The following DNLZ variants were observed in gnomAD, a reference collection of about 807,000 sequenced individuals.
The protein encoded by DNLZ is DNL-type zinc finger protein.
In DNLZ, 15 loss-of-function variants were observed where a neutral mutation model predicts 7.8. That is an observed-to-expected ratio of 1.91 (90% CI 1.28 to 2.95). The LOEUF is 2.95. DNLZ is among the 30% of genes most tolerant of loss of function. DNLZ has a pLI of 0.00. For missense variants in DNLZ, 255 were observed against 167.3 expected (o/e 1.52, Z -2.89); for synonymous variants, 123 against 77.8 (o/e 1.58, Z -3.05).
At chr9:136,363,191 G>A in intron 1 of DNLZ, 63 bp from the exon 2 acceptor site, 8 of 1,590,488 alleles carry the variant, frequency 5.0e-6, no homozygotes, top group Non-Finnish European at 6.9e-6. Context: ...GGGAAGACCC[G>A]CCCCTCTAGG....
chr9:136,362,153 T>C lies in DNLZ; in HGVS notation c.396A>G (p.Arg132=). 1 of 1,500,386 alleles carries C rather than the reference T, an allele frequency of 6.7e-7. No individual in the cohort carries two copies. The highest frequency in any genetic ancestry group is 8.9e-7 in the Non-Finnish European group (1 of 1,129,170). 92.9% of individuals were successfully genotyped at this position (1,500,386 alleles called of 1,614,324 possible). A position where few individuals can be genotyped will look rare whatever the true frequency, so the allele number is the denominator to read the frequency against. The change falls in exon 3 of 3, where the codon AGA becomes AGG. Residue 132 remains arginine (R), a synonymous_variant. Coordinates refer to ENST00000371738, the MANE Select transcript of DNLZ (RefSeq NM_001080849.3). ...KRNIEEILTA[R]GEQVHRVAGE... ...CCGCCACACGGTGCACCTGCTCGCC[T>C]CTGGCCGTCAGGATCTCTTCGATAT...
intron 2 of DNLZ, 91 bp from the exon 3 acceptor site, chr9:136,362,271 C>T: frequency 8.5e-7 from 1 of 1,177,156 alleles, no homozygotes; most frequent in Non-Finnish European, 1.1e-6. Context: ...CAGGCCAGAG[C>T]TGCAAGCACC....
At chr9:136,362,384 A>T (rs1832996443) in intron 2 of DNLZ, among the ~76,000 whole-genome samples, 1 of 152,150 alleles carries the variant, frequency 6.6e-6, no homozygotes, top group East Asian at 1.9e-4. Flanking sequence ...CGCCTCAGGA[A>T]CCCAGTCTCC....
Position 136,362,140 on chromosome 9 carries a change from G to T in DNLZ, c.409C>A (p.His137Asn). 6.6e-7 allele frequency: 1 copy of T among 1,504,422 alleles called. No homozygotes were observed. The allele number at this position is 1,504,422 out of a possible 1,614,324, so 93.2% of individuals were successfully genotyped here. A position where few individuals can be genotyped will look rare whatever the true frequency, so the allele number is the denominator to read the frequency against. Residue 137 changes from histidine (H) to asparagine (N), a missense_variant, in exon 3 of 3, where the codon CAC (histidine) becomes AAC (asparagine). Coordinates refer to ENST00000371738, the MANE Select transcript of DNLZ (RefSeq NM_001080849.3). ...AGGGCCCCCTCGCCCGCCACACGGT[G>T]CACCTGCTCGCCTCTGGCCGTCAGG... ...EILTARGEQVHRVAGEGALEL... is the reference protein window; with the variant it reads ...EILTARGEQVNRVAGEGALEL...
Position 136,363,103 on chromosome 9 carries a change from C to A in DNLZ, c.254G>T (p.Arg85Leu), listed in dbSNP as rs1213559930. 6.2e-7 allele frequency: 1 copy of A among 1,613,482 alleles called. No individual in the cohort carries two copies. The highest frequency in any genetic ancestry group is 1.3e-5 in the African/African-American group (1 of 75,056). ...CKVCGTRSSK[R>L]ISKLAYHQGV... ...TTGGTGATAGGCCAGCTTGGAGATG[C>A]GCTTGGAGGACCTAGTCCCGCAGAC... The change falls in exon 2 of 3, where the codon CGC becomes CTC. Residue 85 changes from arginine (R) to leucine (L), a missense_variant. Coordinates refer to ENST00000371738, the MANE Select transcript of DNLZ (RefSeq NM_001080849.3).
rs1481514075 is a variant in DNLZ, at chr9:136,363,112, G to C, written c.245C>G (p.Ser82Cys). The change falls in exon 2 of 3, where the codon TCC becomes TGC. Residue 82 changes from serine (S) to cysteine (C), a missense_variant. By Grantham distance (112) the Ser-to-Cys change is moderately radical. Transcript: ENST00000371738. ...VYTCKVCGTR[S>C]SKRISKLAYH... ...GGCCAGCTTGGAGATGCGCTTGGAG[G>C]ACCTAGTCCCGCAGACCTGGCTGGG... 2 of 1,613,406 alleles carry C rather than the reference G, an allele frequency of 1.2e-6. No individual in the cohort carries two copies. Among genetic ancestry groups the C allele is most frequent in the Non-Finnish European group, 1.7e-6 (2 of 1,179,990 alleles).
At position 136,362,056 on chromosome 9, in the gene DNLZ, C is replaced by A; in HGVS notation, c.493G>T (p.Glu165Ter). 2 of 1,417,370 alleles carry A rather than the reference C, an allele frequency of 1.4e-6. No individual in the cohort carries two copies. Among genetic ancestry groups the A allele is most frequent in the Non-Finnish European group, 9.3e-7 (1 of 1,077,310 alleles). The allele number at this position is 1,417,370 out of a possible 1,614,324, so 87.8% of individuals were successfully genotyped here. ...PTSTAAPEAGEDEGPPSPGKT... is the reference protein window; with the variant it reads ...PTSTAAPEAG ...CCAGGGCTGGGGGGACCCTCATCCT[C>A]ACCCGCTTCCGGAGCTGCAGTGGAT... is the stretch of plus-strand genomic sequence containing the variant. The change falls in exon 3 of 3, where the codon GAG becomes TAG. Residue 165 changes from glutamate (E) to a stop codon, truncating the protein, a stop_gained. Transcript: ENST00000371738. LOFTEE classifies it low-confidence loss of function (END_TRUNC).
At position 136,361,852 on chromosome 9, in the gene DNLZ, C is replaced by G. The variant is rs1018054952; in HGVS notation, c.*160G>C. 1 of 493,416 alleles carries G rather than the reference C, an allele frequency of 2.0e-6. No homozygotes were observed. Among genetic ancestry groups the G allele is most frequent in the Admixed American group, 4.4e-5 (1 of 22,802 alleles). 30.6% of individuals were successfully genotyped at this position (493,416 alleles called of 1,614,324 possible). On this transcript the variant is annotated 3_prime_UTR_variant, in exon 3 of 3. Transcript: ENST00000371738. ...AGCAGCACCAGGGATTCAGAGCAATCGTTCTAACTCCAGAAAAAGAAAGGC... is the reference window on the plus strand; with the variant it reads ...AGCAGCACCAGGGATTCAGAGCAATGGTTCTAACTCCAGAAAAAGAAAGGC...
chr9:136,363,711 G>C lies in DNLZ; in HGVS notation c.4C>G (p.Leu2Val), dbSNP rs1172837894. M[L>V]RTALRGAPRL... ...GGCGCGCCGCGCAGCGCAGTCCGCA[G>C]CATCCCGCTCGCCGGCTCCGTCCGC... Residue 2 changes from leucine to valine, a missense_variant, in exon 1 of 3, where the codon CTG becomes GTG. Leu to Val is a conservative substitution (Grantham distance 32, BLOSUM62 1). Transcript: ENST00000371738. 1 of 469,674 alleles carries C rather than the reference G, an allele frequency of 2.1e-6. No individual in the cohort carries two copies. Among genetic ancestry groups the C allele is most frequent in the Non-Finnish European group, 3.7e-6 (1 of 268,386 alleles). The allele number at this position is 469,674 out of a possible 1,614,324, so 29.1% of individuals were successfully genotyped here.
At position 136,362,826 on chromosome 9, in the gene DNLZ, G is replaced by A. The variant is rs539146012; in HGVS notation, c.368+163C>T. 4.6e-5 allele frequency among the ~76,000 whole-genome samples: 7 copies of A among 152,342 alleles called. No individual in the cohort carries two copies. In the South Asian group the frequency reaches 1.5e-3, roughly 32 times the overall value. On this transcript the variant is annotated intron_variant, in intron 2 of 2. Transcript: ENST00000371738. ...CATACTTAAACTCAAAAGCTATCTG[G>A]GCTTTATAGGAAATTCTCATTTAAC...
Position 136,361,719 on chromosome 9 carries a change from C to T in DNLZ, c.*293G>A. 3.0e-6 allele frequency: 1 copy of T among 328,754 alleles called. No individual in the cohort carries two copies. Among genetic ancestry groups the T allele is most frequent in the East Asian group, 4.6e-5 (1 of 21,568 alleles). The allele number at this position is 328,754 out of a possible 1,614,324, so 20.4% of individuals were successfully genotyped here. The stretch of plus-strand genomic sequence containing the variant: ...GCCAGGAAGGGCTCTGACGCCACAT[C>T]CAGCCCCCTTTCCACGCGACTGTGG... On this transcript the variant is annotated 3_prime_UTR_variant, in exon 3 of 3. Transcript: ENST00000371738.
At position 136,363,673 on chromosome 9, in the gene DNLZ, A is replaced by G. The variant is rs1588717951; in HGVS notation, c.42T>C (p.Ser14=). 5.0e-6 allele frequency: 2 copies of G among 403,536 alleles called. No individual in the cohort carries two copies. The highest frequency in any genetic ancestry group is 8.6e-6 in the Non-Finnish European group (2 of 233,858). 25.0% of individuals were successfully genotyped at this position (403,536 alleles called of 1,614,324 possible). The stretch of plus-strand genomic sequence containing the variant: ...GGCAGGGCGCCCGGGGCTGCACGCG[A>G]CTCAGCAACCTCGGCGCGCCGCGCA... ...TALRGAPRLL[S]RVQPRAPCLR... The change falls in exon 1 of 3, where the codon AGT becomes AGC. Residue 14 remains serine (S), a synonymous_variant. Coordinates refer to ENST00000371738, the MANE Select transcript of DNLZ (RefSeq NM_001080849.3).
rs746758329 is a variant in DNLZ, at chr9:136,363,155, G to A, written c.229-27C>T. The A allele has an allele frequency of 2.1e-5, 34 of 1,609,442 alleles. 1 individual carries two copies. In the South Asian group the frequency reaches 3.5e-4, roughly 17 times the overall value. On this transcript the variant is annotated intron_variant, in intron 1 of 2. Coordinates refer to ENST00000371738, the MANE Select transcript of DNLZ (RefSeq NM_001080849.3). Reference sequence around the variant, plus strand: ...TGGCTGGGACAGGGTAGCTGGTGAGGCTGTGAGGGCCGCCACGCCCCTCCC... The same window carrying A: ...TGGCTGGGACAGGGTAGCTGGTGAGACTGTGAGGGCCGCCACGCCCCTCCC...
At position 136,362,836 on chromosome 9, in the gene DNLZ, G is replaced by A. The variant is rs75629259; in HGVS notation, c.368+153C>T. 1.5e-3 allele frequency among the ~76,000 whole-genome samples: 227 copies of A among 152,368 alleles called. 1 individual carries two copies. The highest frequency in any genetic ancestry group is 4.6e-3 in the African/African-American group (190 of 41,588). ...CTCAAAAGCTATCTGGGCTTTATAG[G>A]AAATTCTCATTTAACTGTGTGTCTT... On this transcript the variant is annotated intron_variant, in intron 2 of 2. Transcript: ENST00000371738.
intron 2 of DNLZ, 141 bp downstream of exon 2, chr9:136,362,848 T>G (rs754996952): frequency 1.4e-6 from 1 of 697,974 alleles, no homozygotes; most frequent in Non-Finnish European, 2.4e-6. Flanking sequence ...AATTCTCATT[T>G]AACTGTGTGT....
At chr9:136,362,296 T>C in intron 2 of DNLZ, 116 bp from the exon 3 acceptor site, 1 of 957,560 alleles carries the variant, frequency 1.0e-6, no homozygotes, top group Non-Finnish European at 1.4e-6. Context: ...CCAGCACTCC[T>C]GTGGCATCAG....
rs1832977324 is a variant in DNLZ at position 136,361,350 on chromosome 9, C to T, written c.*662G>A. On this transcript the variant is annotated 3_prime_UTR_variant, in exon 3 of 3. Coordinates refer to ENST00000371738, the MANE Select transcript of DNLZ (RefSeq NM_001080849.3). Reference sequence around the variant, plus strand: ...TCGCTTTCATAAACACGGGAACATCCTGCGCACAGACAAGGCTGGGAGACA... The same window carrying T: ...TCGCTTTCATAAACACGGGAACATCTTGCGCACAGACAAGGCTGGGAGACA... 1 of 152,304 alleles carries T rather than the reference C, an allele frequency of 6.6e-6. No individual in the cohort carries two copies. Among genetic ancestry groups the T allele is most frequent in the African/African-American group, 2.4e-5 (1 of 41,462 alleles). 9.4% of individuals were successfully genotyped at this position (152,304 alleles called of 1,614,324 possible).
chr9:136,362,396 G>T (rs1375361627), intron 2 of DNLZ, among the ~76,000 whole-genome samples: 1 of 152,216 alleles, frequency 6.6e-6, no homozygotes, highest in Admixed American at 6.5e-5. Flanking sequence ...CCAGTCTCCT[G>T]CTCCTGCCCC....
chr9:136,361,992 A>G lies in DNLZ; in HGVS notation c.*20T>C. 1.6e-6 allele frequency: 2 copies of G among 1,276,896 alleles called. No individual in the cohort carries two copies. Among genetic ancestry groups the G allele is most frequent in the Non-Finnish European group, 2.0e-6 (2 of 1,003,970 alleles). The allele number at this position is 1,276,896 out of a possible 1,614,324, so 79.1% of individuals were successfully genotyped here. ...TCCTTCTGGAAGGCCGAAGTCCCAC[A>G]GTGCCGGGGAGCGCAGGAGTCAGCT... On this transcript the variant is annotated 3_prime_UTR_variant, in exon 3 of 3. Transcript: ENST00000371738.
Sources: gnomAD v4.1 joint callset for allele counts (sites outside exome capture counted in the v4.1 genomes callset) on GRCh38, gnomAD v4.1.1 for gene constraint, MANE v1.5 for transcripts, NCBI Gene and HGNC (gene_info 2026-07-23, HGNC 2026-07-21) for gene names.